Variants in NF1 observed in about 807,000 individuals in gnomAD.
NF1 encodes the protein neurofibromin 1.
In NF1, 122 loss-of-function variants were observed where a neutral mutation model predicts 325.7. The ratio of observed to expected loss-of-function variants is 0.37; its 90% CI spans 0.32 to 0.44. NF1 has a LOEUF of 0.44. Among genes scored for constraint, NF1 ranks in the 20% least tolerant of loss-of-function variants. The pLI is 1.00. For synonymous variants in NF1, 1,091 were observed against 1,186.0 expected, an observed-to-expected ratio of 0.92 and a Z score of 1.65; for missense variants, 2,140 against 3,415.4, an observed-to-expected ratio of 0.63 and a Z score of 9.31.
chr17:31,357,115 C>G (rs2151582660), intron 53 of NF1, 25 bp downstream of exon 53: 10 of 1,612,288 alleles, frequency 6.2e-6, no homozygotes, highest in Non-Finnish European at 8.5e-6. Flanking sequence ...TTTTTGAGTC[C>G]CCCACCCTCA....
At chr17:31,293,206 A>AAAAAAAAAAAAAAAAAC (rs2068384712) in intron 36 of NF1, among the ~76,000 whole-genome samples, 1 of 130,222 alleles carries the variant, frequency 7.7e-6, no homozygotes, top group Non-Finnish European at 1.6e-5. Flanking sequence ...AAAAAAAAAA[A>AAAAAAAAAAAAAAAAAC]AAAAAGAAAC....
chr17:31,159,178 AG>A, intron 3 of NF1, 85 bp downstream of exon 3: 1 of 949,734 alleles, frequency 1.1e-6, no homozygotes, highest in East Asian at 2.4e-5. Context: ...ATGTGGACCA[AG>A]AGGACAGTCC....
intron 8 of NF1, among the ~76,000 whole-genome samples, chr17:31,187,181 G>A (rs1164418871): frequency 6.6e-6 from 1 of 152,104 alleles, no homozygotes; most frequent in African/African-American, 2.4e-5. Flanking sequence ...GTGGGCTCAT[G>A]CTCATGGAAT....
At chr17:31,140,104 A>G (rs186894521) in intron 1 of NF1, among the ~76,000 whole-genome samples, 24 of 152,346 alleles carry the variant, frequency 1.6e-4, no homozygotes, top group Admixed American at 1.6e-3. Flanking sequence ...ATTACAAGAA[A>G]GATACCTTCC....
At chr17:31,304,523 C>A (rs757821196) in intron 36 of NF1, 6 of 1,614,038 alleles carry the variant, frequency 3.7e-6, no homozygotes, top group African/African-American at 2.7e-5. Flanking sequence ...AGAGGAGATA[C>A]AATTGTCATT....
At chr17:31,178,632 G>A (rs755701191) in intron 5 of NF1, among the ~76,000 whole-genome samples, 1 of 152,118 alleles carries the variant, frequency 6.6e-6, no homozygotes, top group Non-Finnish European at 1.5e-5. Flanking sequence ...CACATGCAAA[G>A]TTACACATAG....
intron 1 of NF1, among the ~76,000 whole-genome samples, chr17:31,112,023 C>T (rs1350088546): frequency 6.6e-6 from 1 of 152,070 alleles, no homozygotes; most frequent in African/African-American, 2.4e-5. Context: ...TACATATAAG[C>T]CTTTGATACC....
At chr17:31,322,091 G>GTA (rs200718505) in intron 36 of NF1, among the ~76,000 whole-genome samples, 2 of 62,598 alleles carry the variant, frequency 3.2e-5, no homozygotes, top group Admixed American at 2.0e-4. Context: ...TGTAGTGTGT[G>GTA]TATACACACA....
At chr17:31,160,701 C>T (rs1390917533) in intron 3 of NF1, among the ~76,000 whole-genome samples, 3 of 152,014 alleles carry the variant, frequency 2.0e-5, no homozygotes, top group East Asian at 1.9e-4. Context: ...AATGGTGGGG[C>T]GTGGGGTCAT....
intron 2 of NF1, among the ~76,000 whole-genome samples, chr17:31,158,012 A>G (rs2065696249): frequency 6.6e-6 from 1 of 152,128 alleles, no homozygotes; most frequent in African/African-American, 2.4e-5. Context: ...ATTCTACAGT[A>G]GTACAGAACA....
rs1194774163 is a variant in NF1 at position 31,105,022 on chromosome 17, C to T, written c.60+9653C>T. ...TGGGCTCAAGTGATCTCCCACCTCC[C>T]GAATATCTAGGACTATGGGCGTGCG... On this transcript the variant is annotated intron_variant, in intron 1 of 57. Coordinates refer to ENST00000358273, the MANE Select transcript of NF1 (RefSeq NM_001042492.3). Among the ~76,000 whole-genome samples the T allele has an allele frequency of 6.2e-4, 94 of 152,024 alleles. 3 individuals are homozygous for T. The highest frequency in any genetic ancestry group is 6.0e-3 in the Admixed American group (92 of 15,254).
At chr17:31,287,520 T>C (rs1375761927) in intron 36 of NF1, among the ~76,000 whole-genome samples, 1 of 151,508 alleles carries the variant, frequency 6.6e-6, no homozygotes. Flanking sequence ...GTTTAATTTC[T>C]GTGCTTTGAT....
rs1016808335 is a variant in NF1 at position 31,172,900 on chromosome 17, G to T, written c.586+2903G>T. Among the ~76,000 whole-genome samples, 5 of 152,254 alleles carry T rather than the reference G, an allele frequency of 3.3e-5. No homozygotes were observed. In the South Asian group the frequency reaches 1.0e-3, roughly 32 times the overall value. ...TGAACTTCTGGGACTTGGTTATGCA[G>T]TAATATAAGTGAAAAATAATGAGAG... On this transcript the variant is annotated intron_variant, in intron 5 of 57. Transcript: ENST00000358273.
chr17:31,215,317 C>T (rs1424984102), intron 13 of NF1, among the ~76,000 whole-genome samples: 2 of 152,076 alleles, frequency 1.3e-5, no homozygotes, highest in African/African-American at 4.8e-5. Context: ...CTTACTGCCT[C>T]AGATGATATT....
chr17:31,225,280 A>AT, intron 17 of NF1, 30 bp downstream of exon 17: 1 of 1,609,788 alleles, frequency 6.2e-7, no homozygotes, highest in Non-Finnish European at 8.5e-7. Context: ...TTTCTGTATC[A>AT]TTTTATGTGC....
At chr17:31,342,224 C>T (rs1231925872) in intron 47 of NF1, among the ~76,000 whole-genome samples, 1 of 152,106 alleles carries the variant, frequency 6.6e-6, no homozygotes, top group African/African-American at 2.4e-5. Flanking sequence ...TGTCCTAATT[C>T]TCATTGCCGT....
intron 1 of NF1, among the ~76,000 whole-genome samples, chr17:31,146,254 A>G (rs1330545731): frequency 6.6e-6 from 1 of 152,096 alleles, no homozygotes; most frequent in Admixed American, 6.5e-5. Flanking sequence ...GGGAGACAAG[A>G]TTTTTGGGAG....
rs141021887 is a variant in NF1, at chr17:31,290,593, GTTC to G, written c.4835+25259_4835+25261del. Among the ~76,000 whole-genome samples, 648 of 152,336 alleles carry G rather than the reference GTTC, an allele frequency of 4.3e-3. 6 individuals are homozygous for G. The highest frequency in any genetic ancestry group is 0.015 in the African/African-American group (619 of 41,560). ...TAAGTAAAGCTTTGTCACATATTCA[GTTC>G]TTCTGTGTACCTGTGCTCTCATTGT... On this transcript the variant is annotated intron_variant, in intron 36 of 57. Transcript: ENST00000358273.
intron 1 of NF1, among the ~76,000 whole-genome samples, chr17:31,106,133 G>A (rs1205235212): frequency 2.0e-5 from 3 of 152,186 alleles, no homozygotes; most frequent in African/African-American, 7.2e-5. Flanking sequence ...TGTGAGGGCA[G>A]CCTACTATGT....
Sources: gnomAD v4.1 joint callset for allele counts (sites outside exome capture counted in the v4.1 genomes callset) on GRCh38, gnomAD v4.1.1 for gene constraint, MANE v1.5 for transcripts, NCBI Gene and HGNC (gene_info 2026-07-23, HGNC 2026-07-21) for gene names.